SIRPA: variants seen among roughly 807,000 people sequenced by gnomAD.
The protein encoded by SIRPA is tyrosine-protein phosphatase non-receptor type substrate 1.
In SIRPA, 9 loss-of-function variants were observed where a neutral mutation model predicts 50.3. The observed-to-expected ratio is 0.18, with a 90% CI of 0.11 to 0.31. The LOEUF (loss-of-function observed/expected upper bound fraction) is 0.31. Among genes scored for constraint, SIRPA ranks in the 10% least tolerant of loss-of-function variants. The pLI is 1.00. For synonymous variants in SIRPA, 265 were observed against 284.1 expected (o/e 0.93, Z 0.68); for missense variants, 474 against 661.6 (o/e 0.72, Z 3.11).
chr20:1,930,097 G>A (rs1986214632), intron 6 of SIRPA, among the ~76,000 whole-genome samples: 1 of 152,134 alleles, frequency 6.6e-6, no homozygotes, highest in Non-Finnish European at 1.5e-5. Context: ...AGCTCCAGGG[G>A]TGGCAGGCAC....
intron 1 of SIRPA, among the ~76,000 whole-genome samples, chr20:1,896,889 C>T (rs572481328): frequency 6.6e-6 from 1 of 151,964 alleles, no homozygotes; most frequent in Non-Finnish European, 1.5e-5. Context: ...CCTATCTGCT[C>T]CTTCCTGCCT....
At chr20:1,912,408 T>C (rs759014757) in intron 1 of SIRPA, among the ~76,000 whole-genome samples, 2 of 152,192 alleles carry the variant, frequency 1.3e-5, no homozygotes, top group African/African-American at 2.4e-5. Flanking sequence ...ACCTAACACA[T>C]GAAGAGAGAG....
chr20:1,910,707 C>T (rs553479085), intron 1 of SIRPA, among the ~76,000 whole-genome samples: 33 of 152,172 alleles, frequency 2.2e-4, no homozygotes, highest in African/African-American at 7.9e-4. Flanking sequence ...AAATGAGATA[C>T]TATAAATATT....
rs1051741054 is a variant in SIRPA at position 1,898,125 on chromosome 20, G to C, written c.79+2599G>C. 6.6e-6 allele frequency among the ~76,000 whole-genome samples: 1 copy of C among 152,248 alleles called. No homozygotes were observed. Among genetic ancestry groups the C allele is most frequent in the African/African-American group, 2.4e-5 (1 of 41,470 alleles). ...TCTGGCCTGGAGGAGGCCAAGCCAA[G>C]TTGCAGTTCAGGCTCTGGGGAGCAG... On this transcript the variant is annotated intron_variant, in intron 1 of 7. Coordinates refer to ENST00000358771, the MANE Select transcript of SIRPA (RefSeq NM_001040023.2). This position sits in a 1 kb window ranked among gnomAD's most constrained non-coding sequence, Gnocchi z 4.3.
chr20:1,911,993 A>G (rs910858535), intron 1 of SIRPA, among the ~76,000 whole-genome samples: 6 of 152,016 alleles, frequency 3.9e-5, no homozygotes, highest in Middle Eastern at 3.2e-3. Context: ...ATACACATAC[A>G]CAGATTAAAA....
At chr20:1,915,477 T>C (rs1985222609) in intron 2 of SIRPA, 22 bp downstream of exon 2, 2 of 1,612,650 alleles carry the variant, frequency 1.2e-6, no homozygotes. Flanking sequence ...GTGGGCCTCC[T>C]TTGCCTCTGG....
At chr20:1,902,120 A>G (rs934177380) in intron 1 of SIRPA, among the ~76,000 whole-genome samples, 1 of 152,216 alleles carries the variant, frequency 6.6e-6, no homozygotes, top group Non-Finnish European at 1.5e-5. Flanking sequence ...AATGAGCCTC[A>G]GCTTTGACAC....
intron 6 of SIRPA, among the ~76,000 whole-genome samples, chr20:1,931,152 C>G (rs1385390981): frequency 2.6e-5 from 4 of 152,174 alleles, no homozygotes; most frequent in Non-Finnish European, 5.9e-5. Flanking sequence ...CCCCAAAGGA[C>G]TTGTTAAAAC....
chr20:1,897,442 A>T (rs1032910774), intron 1 of SIRPA, among the ~76,000 whole-genome samples: 1 of 152,228 alleles, frequency 6.6e-6, no homozygotes, highest in Non-Finnish European at 1.5e-5. Flanking sequence ...TGGTCACACC[A>T]TGGGCCTGGG....
Position 1,937,846 on chromosome 20 carries a change from G to A in SIRPA, c.*278G>A. ...CCTGGGAAGTGGCCAGAACTGCCTGGGGTCCAAGAACTCTTGTGCCTCCGT... is the reference window on the plus strand; with the variant it reads ...CCTGGGAAGTGGCCAGAACTGCCTGAGGTCCAAGAACTCTTGTGCCTCCGT... On this transcript the variant is annotated 3_prime_UTR_variant, in exon 8 of 8. Transcript: ENST00000358771. This position sits in a 1 kb window ranked among gnomAD's most constrained non-coding sequence, Gnocchi z 8.3. 2.1e-6 allele frequency: 1 copy of A among 484,534 alleles called. No homozygotes were observed. Among genetic ancestry groups the A allele is most frequent in the South Asian group, 2.9e-5 (1 of 34,956 alleles). 30.0% of individuals were successfully genotyped at this position (484,534 alleles called of 1,614,324 possible).
In SIRPA at chr20:1,937,503, C is replaced by T. The variant is rs752398143; in HGVS notation, c.1450C>T (p.Gln484Ter). The change falls in exon 8 of 8, where the codon CAG becomes TAG. Residue 484 changes from glutamine (Q) to a stop codon, truncating the protein, a stop_gained. Coordinates refer to ENST00000358771, the MANE Select transcript of SIRPA (RefSeq NM_001040023.2). LOFTEE classifies it high-confidence loss of function. The surrounding 1 kb of genome is among the most constrained non-coding windows in gnomAD (Gnocchi z 8.3). ...DMVHLNRTPK[Q>*]PAPKPEPSFS... ...GGTCCACCTCAACCGGACCCCCAAG[C>T]AGCCGGCCCCCAAGCCTGAGCCGTC... 1.9e-6 allele frequency: 3 copies of T among 1,614,012 alleles called. No individual in the cohort carries two copies. The African/African-American group carries it at 4.0e-5, about 22-fold the overall frequency.
At chr20:1,907,627 A>T (rs1233660180) in intron 1 of SIRPA, among the ~76,000 whole-genome samples, 1 of 152,194 alleles carries the variant, frequency 6.6e-6, no homozygotes, top group East Asian at 1.9e-4. Flanking sequence ...CCAGAACCCC[A>T]TCCCTAAACC....
At position 1,934,598 on chromosome 20, in the gene SIRPA, C is replaced by G; in HGVS notation, c.1227-117C>G. The stretch of plus-strand genomic sequence containing the variant: ...TGCAGTTGTATTTCTGTTATGAGTC[C>G]TTCGTTCATGTCCTCAACCCATATA... On this transcript the variant is annotated intron_variant, in intron 6 of 7. Coordinates refer to ENST00000358771, the MANE Select transcript of SIRPA (RefSeq NM_001040023.2). This position sits in a 1 kb window ranked among gnomAD's most constrained non-coding sequence, Gnocchi z 4.6. 2 of 915,346 alleles carry G rather than the reference C, an allele frequency of 2.2e-6. No homozygotes were observed. Among genetic ancestry groups the G allele is most frequent in the Middle Eastern group, 4.4e-4 (2 of 4,590 alleles). 56.7% of individuals were successfully genotyped at this position (915,346 alleles called of 1,614,324 possible).
rs1159659016 is a variant in SIRPA at position 1,938,449 on chromosome 20, C to T, written c.*881C>T. ...TTTTGTTTTGTTTTTTTTCTTAAAA[C>T]AACAGCAACGTGATCTTGGCTGTCT... On this transcript the variant is annotated 3_prime_UTR_variant, in exon 8 of 8. Transcript: ENST00000358771. 1 of 152,606 alleles carries T rather than the reference C, an allele frequency of 6.6e-6. No individual in the cohort carries two copies. 9.5% of individuals were successfully genotyped at this position (152,606 alleles called of 1,614,324 possible). A position where few individuals can be genotyped will look rare whatever the true frequency, so the allele number is the denominator to read the frequency against.
chr20:1,932,053 G>GATTC lies in SIRPA; in HGVS notation c.1227-2632_1227-2629dup, dbSNP rs3831741. The stretch of plus-strand genomic sequence containing the variant: ...ATGGCACTTAAGAGCCAGTGAGAAA[G>GATTC]ATTCATTCATTCATTCATTCATTCA... On this transcript the variant is annotated intron_variant, in intron 6 of 7. Transcript: ENST00000358771. This position sits in a 1 kb window ranked among gnomAD's most constrained non-coding sequence, Gnocchi z 6.0. 0.021 allele frequency among the ~76,000 whole-genome samples: 3,179 copies of GATTC among 151,526 alleles called. 75 individuals are homozygous for GATTC. The highest frequency in any genetic ancestry group is 0.056 in the African/African-American group (2,307 of 41,238).
At chr20:1,895,281 ACCG>A (rs1983713999), upstream of SIRPA, 13 of 417,736 alleles carry the variant, frequency 3.1e-5, no homozygotes, top group Non-Finnish European at 4.8e-5. Flanking sequence ...GTCTCCAAAA[ACCG>A]CGGCGGCGGC....
chr20:1,937,751 G>A lies in SIRPA; in HGVS notation c.*183G>A. 1 of 728,826 alleles carries A rather than the reference G, an allele frequency of 1.4e-6. No homozygotes were observed. Among genetic ancestry groups the A allele is most frequent in the Non-Finnish European group, 2.2e-6 (1 of 458,390 alleles). The allele number at this position is 728,826 out of a possible 1,614,324, so 45.1% of individuals were successfully genotyped here. ...TTGGCTCTCCAGCACTTCCTGGGCA[G>A]CCACGGCCCCCTCCCCCCACATTGC... On this transcript the variant is annotated 3_prime_UTR_variant, in exon 8 of 8. Transcript: ENST00000358771. The surrounding 1 kb of genome is among the most constrained non-coding windows in gnomAD (Gnocchi z 8.3).
intron 5 of SIRPA, among the ~76,000 whole-genome samples, chr20:1,926,628 C>T (rs907420055): frequency 1.8e-4 from 28 of 152,236 alleles, no homozygotes; most frequent in Non-Finnish European, 2.9e-5. Flanking sequence ...TGTGCTTTCC[C>T]TGTAGTAACA....
intron 1 of SIRPA, among the ~76,000 whole-genome samples, chr20:1,914,275 T>C (rs1160711274): frequency 6.6e-6 from 1 of 152,114 alleles, no homozygotes; most frequent in African/African-American, 2.4e-5. Context: ...ATGGATAAAT[T>C]AAGGTCCCAC....
Sources: gnomAD v4.1 joint callset for allele counts (sites outside exome capture counted in the v4.1 genomes callset) on GRCh38, gnomAD v4.1.1 for gene constraint, Gnocchi (gnomAD v3.1) non-coding constraint, MANE v1.5 for transcripts, NCBI Gene and HGNC (gene_info 2026-07-23, HGNC 2026-07-21) for gene names.